Variants in CELF4 observed in about 807,000 individuals in gnomAD.
The protein encoded by CELF4 is CUG-BP- and ETR-3-like factor 4.
CELF4 carries 18 observed loss-of-function variants against 59.9 expected under a neutral mutation model. The observed-to-expected ratio is 0.30, with a 90% confidence interval of 0.21 to 0.45. CELF4 has a LOEUF of 0.45. Ranked by LOEUF, CELF4 falls within the 20% of genes least tolerant of loss-of-function variation. CELF4 has a pLI of 1.00. For synonymous variants in CELF4, 261 were observed against 267.1 expected (o/e 0.98, Z 0.22); for missense variants, 456 against 689.0 (o/e 0.66, Z 3.79).
intron 3 of CELF4, among the ~76,000 whole-genome samples, chr18:37,318,636 C>A (rs1015920766): frequency 2.7e-5 from 4 of 145,548 alleles, no homozygotes; most frequent in African/African-American, 1.1e-4. Context: ...CACCTCCCCC[C>A]CCCCCCACTT....
At chr18:37,559,669 T>C (rs1444680462) in intron 1 of CELF4, among the ~76,000 whole-genome samples, 1 of 152,180 alleles carries the variant, frequency 6.6e-6, no homozygotes, top group East Asian at 1.9e-4. Flanking sequence ...GTGTGAGCCC[T>C]GGACAGAGGC....
chr18:37,431,302 T>C (rs1008357367), intron 2 of CELF4, among the ~76,000 whole-genome samples: 13 of 152,176 alleles, frequency 8.5e-5, no homozygotes, highest in Admixed American at 7.8e-4. Flanking sequence ...CCTGGTGGGC[T>C]TATCATCTCC....
intron 1 of CELF4, among the ~76,000 whole-genome samples, chr18:37,520,339 C>T (rs2099955893): frequency 6.6e-6 from 1 of 152,098 alleles, no homozygotes; most frequent in Non-Finnish European, 1.5e-5. Flanking sequence ...GAGAGCGGTC[C>T]CAGGAAGGCG....
intron 2 of CELF4, among the ~76,000 whole-genome samples, chr18:37,453,114 C>T (rs1248891642): frequency 6.6e-6 from 1 of 152,256 alleles, no homozygotes; most frequent in African/African-American, 2.4e-5. Flanking sequence ...GTTCCCTCTA[C>T]CTGGAATGGC....
intron 2 of CELF4, among the ~76,000 whole-genome samples, chr18:37,388,716 A>G (rs1453351576): frequency 1.3e-5 from 2 of 152,154 alleles, no homozygotes; most frequent in Non-Finnish European, 2.9e-5. Flanking sequence ...TCCAACTTAC[A>G]TGGGAGTAGG....
intron 2 of CELF4, among the ~76,000 whole-genome samples, chr18:37,452,658 C>A (rs1323170303): frequency 3.3e-5 from 5 of 152,138 alleles, no homozygotes; most frequent in South Asian, 4.2e-4. Context: ...CTGGACACTG[C>A]TCAAGGAATC....
chr18:37,250,307 G>A (rs749520471), intron 12 of CELF4, among the ~76,000 whole-genome samples: 51 of 152,124 alleles, frequency 3.4e-4, no homozygotes, highest in Non-Finnish European at 6.6e-4. Context: ...CAGAAAACCC[G>A]CCAGGAAGGA....
At chr18:37,422,254 G>T (rs2099582823) in intron 2 of CELF4, among the ~76,000 whole-genome samples, 1 of 152,216 alleles carries the variant, frequency 6.6e-6, no homozygotes, top group Non-Finnish European at 1.5e-5. Flanking sequence ...GGAGCAGGGA[G>T]AATGGCAGCT....
intron 1 of CELF4, among the ~76,000 whole-genome samples, chr18:37,520,212 G>A (rs1260160593): frequency 6.6e-6 from 1 of 152,164 alleles, no homozygotes; most frequent in Non-Finnish European, 1.5e-5. Context: ...CCAGCTCTGG[G>A]GAACAGTGTC....
At chr18:37,330,923 C>A (rs2154531303) in intron 2 of CELF4, among the ~76,000 whole-genome samples, 1 of 152,306 alleles carries the variant, frequency 6.6e-6, no homozygotes, top group African/African-American at 2.4e-5. Context: ...GAGAGACAGC[C>A]AGTGAGCACC....
intron 2 of CELF4, among the ~76,000 whole-genome samples, chr18:37,436,142 C>T (rs1232603569): frequency 3.3e-5 from 5 of 152,274 alleles, no homozygotes; most frequent in Middle Eastern, 6.8e-3. Flanking sequence ...TCCCAGGGAG[C>T]GGCAGGAACC....
At chr18:37,372,254 G>A (rs1325212602) in intron 2 of CELF4, among the ~76,000 whole-genome samples, 1 of 152,176 alleles carries the variant, frequency 6.6e-6, no homozygotes, top group Non-Finnish European at 1.5e-5. Flanking sequence ...ATGATAGACT[G>A]GATTAAGAAA....
chr18:37,347,437 C>A (rs2098302484), intron 2 of CELF4, among the ~76,000 whole-genome samples: 1 of 152,180 alleles, frequency 6.6e-6, no homozygotes, highest in Non-Finnish European at 1.5e-5. Flanking sequence ...CCCACCCCTA[C>A]ACTTGGCTCT....
chr18:37,510,155 A>G (rs1253464111), intron 1 of CELF4, among the ~76,000 whole-genome samples: 4 of 152,214 alleles, frequency 2.6e-5, no homozygotes, highest in Admixed American at 2.6e-4. Flanking sequence ...TTAATGTTTA[A>G]GAGAAAAGAA....
chr18:37,552,910 C>T (rs1027112303), intron 1 of CELF4, among the ~76,000 whole-genome samples: 2 of 152,218 alleles, frequency 1.3e-5, no homozygotes, highest in African/African-American at 4.8e-5. Flanking sequence ...GCCTGAGCTG[C>T]TGTTGTGACG....
intron 2 of CELF4, among the ~76,000 whole-genome samples, chr18:37,405,242 A>G (rs2099371840): frequency 1.3e-5 from 2 of 152,246 alleles, no homozygotes; most frequent in Non-Finnish European, 2.9e-5. Context: ...CACAGGTCCC[A>G]TGGAATTGGG....
chr18:37,356,537 T>C (rs73427271), intron 2 of CELF4, among the ~76,000 whole-genome samples: 225 of 146,898 alleles, frequency 1.5e-3, no homozygotes, highest in African/African-American at 5.9e-3. Context: ...CTGGGGAGGT[T>C]AGAGGTGCTG....
intron 1 of CELF4, among the ~76,000 whole-genome samples, chr18:37,549,115 C>T (rs1025434100): frequency 6.6e-6 from 1 of 152,208 alleles, no homozygotes; most frequent in African/African-American, 2.4e-5. Flanking sequence ...CTACCCTTCT[C>T]CCAAACAGTC....
intron 2 of CELF4, among the ~76,000 whole-genome samples, chr18:37,432,991 G>T (rs116593423): frequency 0.013 from 1,921 of 152,222 alleles, 55 homozygotes; most frequent in African/African-American, 0.044. Flanking sequence ...CACGGTATGC[G>T]CAACACAGGA....
Sources: gnomAD v4.1 joint callset for allele counts (sites outside exome capture counted in the v4.1 genomes callset) on GRCh38, gnomAD v4.1.1 for gene constraint, MANE v1.5 for transcripts, NCBI Gene and HGNC (gene_info 2026-07-23, HGNC 2026-07-21) for gene names.